Variants in SPARC observed in about 807,000 individuals in gnomAD.
SPARC encodes the protein secreted protein acidic and cysteine rich.
SPARC carries 23 observed loss-of-function variants against 37.7 expected under a neutral mutation model. The ratio of observed to expected loss-of-function variants is 0.61; its 90% CI spans 0.44 to 0.87. The LOEUF (loss-of-function observed/expected upper bound fraction) is 0.87. Ranked by LOEUF, SPARC falls within the 40% of genes least tolerant of loss-of-function variation. The pLI, the probability that SPARC is intolerant of heterozygous loss-of-function variation, is 0.00. For missense variants in SPARC, 312 were observed against 389.0 expected (o/e 0.80, Z 1.66); for synonymous variants, 155 against 150.8 (o/e 1.03, Z -0.20).
In SPARC at chr5:151,662,554, G is replaced by A. The variant is rs1305535980; in HGVS notation, c.*1017C>T. 6.6e-6 allele frequency: 1 copy of A among 152,594 alleles called. No individual in the cohort carries two copies. The highest frequency in any genetic ancestry group is 1.5e-5 in the Non-Finnish European group (1 of 68,026). The allele number at this position is 152,594 out of a possible 1,614,324, so 9.5% of individuals were successfully genotyped here. On this transcript the variant is annotated 3_prime_UTR_variant, in exon 10 of 10. Transcript: ENST00000231061. ...TCATGAAATGCTTGGAGGTGAACGA[G>A]TTCTCAGCCTGTGAGATCCGACCAT...
chr5:151,668,888 C>T (rs1760686815), intron 6 of SPARC, among the ~76,000 whole-genome samples: 1 of 152,118 alleles, frequency 6.6e-6, no homozygotes, highest in South Asian at 2.1e-4. Context: ...CTTTTCTGCA[C>T]CCTGTACACC....
chr5:151,683,624 A>ACATC (rs545832098), intron 1 of SPARC, among the ~76,000 whole-genome samples: 81 of 152,340 alleles, frequency 5.3e-4, no homozygotes, highest in African/African-American at 1.9e-3. Context: ...TTGACTGTGC[A>ACATC]CATCCATCCA....
At chr5:151,678,946 C>A (rs969853882) in intron 1 of SPARC, 13 of 152,118 alleles carry the variant, frequency 8.5e-5, no homozygotes, top group Admixed American at 7.9e-4. Flanking sequence ...CCACGAGATA[C>A]CTCTCTGAGG....
rs929431359 is a variant in SPARC, at chr5:151,671,711, C to T, written c.209-17G>A. The T allele has an allele frequency of 1.2e-6, 2 of 1,613,348 alleles. No individual in the cohort carries two copies. Among genetic ancestry groups the T allele is most frequent in the African/African-American group, 2.7e-5 (2 of 74,862 alleles). ...GGCAGGGATCTGTAGGGCAGAAAGA[C>T]AAGGGAGTTAGCATCACCTGGACTA... On this transcript the variant is annotated splice_polypyrimidine_tract_variant and intron_variant, in intron 4 of 9. Transcript: ENST00000231061.
chr5:151,665,180 A>G (rs539515431), intron 8 of SPARC, among the ~76,000 whole-genome samples: 2 of 152,302 alleles, frequency 1.3e-5, no homozygotes, highest in African/African-American at 4.8e-5. Context: ...AGGAGGAGGA[A>G]GCGGGTCCCC....
In SPARC at chr5:151,674,573, T is replaced by C. The variant is rs554478104; in HGVS notation, c.120+39A>G. ...TAATTTCTCAGGGCACAGATACAGG[T>C]AGAGAGGGGCTAAGGGGCTGCGGTC... On this transcript the variant is annotated intron_variant, in intron 3 of 9. Coordinates refer to ENST00000231061, the MANE Select transcript of SPARC (RefSeq NM_003118.4). 590 of 1,600,760 alleles carry C rather than the reference T, an allele frequency of 3.7e-4. 4 individuals carry two copies. The South Asian group carries it at 6.2e-3, about 17-fold the overall frequency.
At chr5:151,664,283 C>T (rs769166858) in intron 8 of SPARC, 48 bp from the exon 9 acceptor site, 3 of 1,584,398 alleles carry the variant, frequency 1.9e-6, no homozygotes, top group Admixed American at 1.8e-5. Context: ...AAAAGCTCCA[C>T]ACCCAGCCTT....
rs1056021397 is a variant in SPARC at position 151,661,265 on chromosome 5, T to A, written c.*2306A>T. ...CCCCTAACACATTGCAGGTACCTGA[T>A]GAATGTCGCCGAATGACTGAATGAG... On this transcript the variant is annotated 3_prime_UTR_variant, in exon 10 of 10. Transcript: ENST00000231061. 2 of 152,228 alleles carry A rather than the reference T, an allele frequency of 1.3e-5. No homozygotes were observed. The highest frequency in any genetic ancestry group is 4.8e-5 in the African/African-American group (2 of 41,456). 9.4% of individuals were successfully genotyped at this position (152,228 alleles called of 1,614,324 possible). A position where few individuals can be genotyped will look rare whatever the true frequency, so the allele number is the denominator to read the frequency against.
At position 151,662,116 on chromosome 5, in the gene SPARC, G is replaced by GTGAA. The variant is rs557022095; in HGVS notation, c.*1451_*1454dup. 24 of 152,690 alleles carry GTGAA rather than the reference G, an allele frequency of 1.6e-4. No homozygotes were observed. Among genetic ancestry groups the GTGAA allele is most frequent in the African/African-American group, 4.6e-4 (19 of 41,546 alleles). 9.5% of individuals were successfully genotyped at this position (152,690 alleles called of 1,614,324 possible). A position where few individuals can be genotyped will look rare whatever the true frequency, so the allele number is the denominator to read the frequency against. On this transcript the variant is annotated 3_prime_UTR_variant, in exon 10 of 10. Transcript: ENST00000231061. ...AGAGTAAATACATCATAAATATTTT[G>GTGAA]TGAATGAATGAATGAATGAATGACC...
At position 151,662,140 on chromosome 5, in the gene SPARC, C is replaced by A. The variant is rs755925700; in HGVS notation, c.*1431G>T. ...TGTGAATGAATGAATGAATGAATGA[C>A]CATGATTAATAAAAGGATATAGCTG... is the stretch of plus-strand genomic sequence containing the variant. On this transcript the variant is annotated 3_prime_UTR_variant, in exon 10 of 10. Coordinates refer to ENST00000231061, the MANE Select transcript of SPARC (RefSeq NM_003118.4). 152 of 152,646 alleles carry A rather than the reference C, an allele frequency of 1.0e-3. 1 individual carries two copies. Among genetic ancestry groups the A allele is most frequent in the Non-Finnish European group, 2.2e-4 (15 of 68,030 alleles). 9.5% of individuals were successfully genotyped at this position (152,646 alleles called of 1,614,324 possible). A position where few individuals can be genotyped will look rare whatever the true frequency, so the allele number is the denominator to read the frequency against.
intron 2 of SPARC, among the ~76,000 whole-genome samples, chr5:151,675,487 G>A (rs571940495): frequency 1.1e-4 from 17 of 152,216 alleles, no homozygotes; most frequent in Non-Finnish European, 2.2e-4. Context: ...AGCCAGATTG[G>A]CTCTCATTTT....
Position 151,663,556 on chromosome 5 carries a change from G to C in SPARC, c.*15C>G. ...AGGGTTAAAGAGAGAATCCGGTACT[G>C]TGGAAGGAGTGGATTTAGATCACAA... On this transcript the variant is annotated 3_prime_UTR_variant, in exon 10 of 10. Transcript: ENST00000231061. 6.2e-7 allele frequency: 1 copy of C among 1,612,234 alleles called. No homozygotes were observed. Among genetic ancestry groups the C allele is most frequent in the Non-Finnish European group, 8.5e-7 (1 of 1,178,286 alleles).
chr5:151,675,573 A>G (rs1484878094), intron 2 of SPARC, among the ~76,000 whole-genome samples: 1 of 152,200 alleles, frequency 6.6e-6, no homozygotes, highest in Non-Finnish European at 1.5e-5. Context: ...TCAGACAGCA[A>G]TATCTCAGAG....
chr5:151,686,432 A>C (rs1761142381), intron 1 of SPARC: 1 of 152,178 alleles, frequency 6.6e-6, no homozygotes, highest in African/African-American at 2.4e-5. Flanking sequence ...AGAACCCCTG[A>C]CCGAGATCTG....
At chr5:151,671,273 G>T (rs977927588) in intron 5 of SPARC, among the ~76,000 whole-genome samples, 7 of 152,174 alleles carry the variant, frequency 4.6e-5, no homozygotes, top group Non-Finnish European at 7.4e-5. Context: ...TTTGGCCCCA[G>T]AACCCGTATT....
At chr5:151,684,263 C>G (rs924511519) in intron 1 of SPARC, among the ~76,000 whole-genome samples, 4 of 152,170 alleles carry the variant, frequency 2.6e-5, no homozygotes, top group Non-Finnish European at 2.9e-5. Context: ...TGAATAAAAG[C>G]GGTATCTGGG....
chr5:151,682,720 A>T (rs555519638), intron 1 of SPARC, among the ~76,000 whole-genome samples: 1 of 152,364 alleles, frequency 6.6e-6, no homozygotes, highest in African/African-American at 2.4e-5. Context: ...TGGAGGTCAC[A>T]CGGCAAGCTG....
At chr5:151,676,228 A>T in intron 1 of SPARC, 27 bp from the exon 2 acceptor site, 2 of 1,509,884 alleles carry the variant, frequency 1.3e-6, no homozygotes, top group Non-Finnish European at 1.8e-6. Flanking sequence ...TTGAGAGTTC[A>T]GTGAGGGTGA....
intron 6 of SPARC, 51 bp from the exon 7 acceptor site, chr5:151,667,651 TCCCCACCCCAG>T: frequency 6.3e-7 from 1 of 1,584,406 alleles, no homozygotes; most frequent in Non-Finnish European, 8.6e-7. Flanking sequence ...TGGGCCGTGC[TCCCCACCCCAG>T]GCCCCCACCC....
Sources: allele counts gnomAD v4.1 joint callset (sites outside exome capture counted in the v4.1 genomes callset), GRCh38; gene constraint gnomAD v4.1.1; transcripts MANE v1.5; gene names NCBI Gene and HGNC (gene_info 2026-07-23, HGNC 2026-07-21).